Variants in DPY19L3 observed in about 807,000 individuals in gnomAD.
The protein encoded by DPY19L3 is protein C-mannosyl-transferase DPY19L3.
A neutral mutation model predicts 92.3 loss-of-function variants in DPY19L3; 51 were observed. The observed-to-expected ratio is 0.55, with a 90% confidence interval of 0.44 to 0.70. The LOEUF (loss-of-function observed/expected upper bound fraction) is 0.70. DPY19L3 is among the 30% of genes least tolerant of loss of function. The pLI is 0.00. For missense variants in DPY19L3, 706 were observed against 855.9 expected, an observed-to-expected ratio of 0.82 and a Z score of 2.18; for synonymous variants, 309 against 315.2, an observed-to-expected ratio of 0.98 and a Z score of 0.21.
chr19:32,464,904 C>G, intron 15 of DPY19L3, 120 bp downstream of exon 15: 2 of 463,524 alleles, frequency 4.3e-6, no homozygotes, highest in Non-Finnish European at 3.7e-6. Flanking sequence ...TAAATACCTC[C>G]TTAGCTTCTT....
At chr19:32,448,137 CTG>C (rs755423884) in intron 8 of DPY19L3, among the ~76,000 whole-genome samples, 63 of 152,138 alleles carry the variant, frequency 4.1e-4, no homozygotes, top group Non-Finnish European at 4.7e-4. Flanking sequence ...TTTTGAGCCT[CTG>C]TGGTACTATT....
intron 8 of DPY19L3, among the ~76,000 whole-genome samples, chr19:32,448,054 A>G (rs867831017): frequency 6.6e-6 from 1 of 152,176 alleles, no homozygotes. Flanking sequence ...CTTCATCAGT[A>G]TATGTTATGT....
At chr19:32,408,051 C>CTCCA (rs2145380016) in intron 1 of DPY19L3, among the ~76,000 whole-genome samples, 166 bp from the exon 2 acceptor site, 1 of 151,906 alleles carries the variant, frequency 6.6e-6, no homozygotes, top group African/African-American at 2.4e-5. Flanking sequence ...TGCCGCTGCA[C>CTCCA]TCCAGCCTGA....
chr19:32,478,533 C>T (rs1970581122), intron 17 of DPY19L3, among the ~76,000 whole-genome samples: 1 of 152,168 alleles, frequency 6.6e-6, no homozygotes, highest in Non-Finnish European at 1.5e-5. Flanking sequence ...TATTGCAGTT[C>T]TTAGTTCCCC....
chr19:32,457,210 A>C (rs1969893496), intron 10 of DPY19L3, among the ~76,000 whole-genome samples: 1 of 152,232 alleles, frequency 6.6e-6, no homozygotes, highest in Non-Finnish European at 1.5e-5. Context: ...AGTGACCTAC[A>C]ACAAGAGGAA....
At chr19:32,430,543 T>G (rs989322565) in intron 3 of DPY19L3, among the ~76,000 whole-genome samples, 2 of 152,106 alleles carry the variant, frequency 1.3e-5, no homozygotes, top group African/African-American at 2.4e-5. Flanking sequence ...ATAAAAAGAT[T>G]TAGAGGGTAG....
intron 18 of DPY19L3, chr19:32,480,872 A>G (rs1026927635): frequency 2.1e-6 from 1 of 466,240 alleles, no homozygotes; most frequent in South Asian, 5.2e-5. Flanking sequence ...TTGCTGCTAT[A>G]AACAAAACCT....
At chr19:32,407,317 T>C (rs1187842839) in intron 1 of DPY19L3, among the ~76,000 whole-genome samples, 1 of 135,224 alleles carries the variant, frequency 7.4e-6, no homozygotes, top group African/African-American at 2.8e-5. Context: ...GCTGCCCTGA[T>C]TGGCACACCC....
chr19:32,428,953 T>G (rs1968866035), intron 3 of DPY19L3, among the ~76,000 whole-genome samples: 1 of 152,106 alleles, frequency 6.6e-6, no homozygotes, highest in African/African-American at 2.4e-5. Flanking sequence ...GTTCAAGTGA[T>G]TCTCCTGCCT....
intron 16 of DPY19L3, among the ~76,000 whole-genome samples, chr19:32,473,895 G>T (rs967790245): frequency 6.6e-6 from 1 of 151,980 alleles, no homozygotes; most frequent in African/African-American, 2.4e-5. Flanking sequence ...CCTTCACCTC[G>T]TGGGTTCAAG....
At chr19:32,416,624 C>G (rs921110895) in intron 3 of DPY19L3, among the ~76,000 whole-genome samples, 1 of 152,186 alleles carries the variant, frequency 6.6e-6, no homozygotes, top group African/African-American at 2.4e-5. Context: ...GATTACAAAT[C>G]AGAACGAGCC....
At chr19:32,433,177 C>T (rs561153325) in intron 4 of DPY19L3, among the ~76,000 whole-genome samples, 1 of 152,138 alleles carries the variant, frequency 6.6e-6, no homozygotes, top group Non-Finnish European at 1.5e-5. Context: ...CTCTTGTCCC[C>T]AGTGCTCCAT....
chr19:32,408,623 G>T (rs1282361487), intron 2 of DPY19L3, among the ~76,000 whole-genome samples: 1 of 152,018 alleles, frequency 6.6e-6, no homozygotes, highest in Non-Finnish European at 1.5e-5. Flanking sequence ...CTAGAGTAAT[G>T]GTCCCCCCAC....
intron 3 of DPY19L3, among the ~76,000 whole-genome samples, chr19:32,419,431 G>T (rs1322970189): frequency 6.6e-6 from 1 of 151,924 alleles, no homozygotes; most frequent in Non-Finnish European, 1.5e-5. Flanking sequence ...AAAGTGCAGG[G>T]ATTACAGGCA....
At chr19:32,446,017 A>G (rs1969487870) in intron 8 of DPY19L3, among the ~76,000 whole-genome samples, 1 of 152,136 alleles carries the variant, frequency 6.6e-6, no homozygotes, top group East Asian at 1.9e-4. Context: ...AAAAAATTAT[A>G]TTTGATAGCT....
At chr19:32,446,261 A>T (rs1969496561) in intron 8 of DPY19L3, among the ~76,000 whole-genome samples, 1 of 152,182 alleles carries the variant, frequency 6.6e-6, no homozygotes, top group African/African-American at 2.4e-5. Context: ...AACAGTACAG[A>T]TAAATAAAAA....
chr19:32,454,578 G>A (rs1969807305), intron 9 of DPY19L3, among the ~76,000 whole-genome samples: 1 of 151,194 alleles, frequency 6.6e-6, no homozygotes, highest in Admixed American at 6.6e-5. Flanking sequence ...CGTCTCAAAA[G>A]AAAAAGAAAA....
At chr19:32,449,446 G>A (rs955495811) in intron 8 of DPY19L3, among the ~76,000 whole-genome samples, 33 of 152,178 alleles carry the variant, frequency 2.2e-4, no homozygotes, top group African/African-American at 7.2e-4. Flanking sequence ...TGGAAACTCA[G>A]GGGACTCAGA....
chr19:32,448,583 T>G (rs942411780), intron 8 of DPY19L3, among the ~76,000 whole-genome samples: 1 of 152,194 alleles, frequency 6.6e-6, no homozygotes, highest in Non-Finnish European at 1.5e-5. Flanking sequence ...AGGGAAATGT[T>G]AATTAAATCC....
Sources: allele counts gnomAD v4.1 joint callset (sites outside exome capture counted in the v4.1 genomes callset), GRCh38; gene constraint gnomAD v4.1.1; transcripts MANE v1.5; gene names NCBI Gene and HGNC (gene_info 2026-07-23, HGNC 2026-07-21).